PI4K2A: variants seen among roughly 807,000 people sequenced by gnomAD.
The protein encoded by PI4K2A is phosphatidylinositol 4-kinase type 2 alpha.
In PI4K2A, 20 loss-of-function variants were observed where a neutral mutation model predicts 55.0. The observed-to-expected ratio is 0.36, with a 90% CI of 0.26 to 0.53. The LOEUF (loss-of-function observed/expected upper bound fraction) is 0.53. Ranked by LOEUF, PI4K2A falls within the 20% of genes least tolerant of loss-of-function variation. The probability of loss-of-function intolerance (pLI) is 0.91; values close to 1 mark genes in which losing one functional copy is unlikely to be tolerated. For missense variants in PI4K2A, 463 were observed against 637.1 expected (o/e 0.73, Z 2.94); for synonymous variants, 235 against 258.5 (o/e 0.91, Z 0.87).
chr10:97,650,663 T>C (rs1171262745), intron 1 of PI4K2A, among the ~76,000 whole-genome samples: 1 of 152,146 alleles, frequency 6.6e-6, no homozygotes, highest in Non-Finnish European at 1.5e-5. Flanking sequence ...TAGGTACTTA[T>C]ATGAGGGAAA....
At chr10:97,651,761 C>T (rs1016025833) in intron 2 of PI4K2A, among the ~76,000 whole-genome samples, 3 of 151,902 alleles carry the variant, frequency 2.0e-5, no homozygotes, top group Non-Finnish European at 4.4e-5. Flanking sequence ...TTGAGGTCTC[C>T]CCCAACCCCC....
chr10:97,641,240 G>A, intron 1 of PI4K2A, 63 bp downstream of exon 1: 1 of 1,263,362 alleles, frequency 7.9e-7, no homozygotes, highest in South Asian at 1.3e-5. Context: ...TGGGGAGTTG[G>A]GGGCTTCGCA....
intron 1 of PI4K2A, among the ~76,000 whole-genome samples, chr10:97,644,860 G>A (rs2041496419): frequency 6.6e-6 from 1 of 152,122 alleles, no homozygotes; most frequent in Admixed American, 6.6e-5. Flanking sequence ...AACAGAGATT[G>A]GGAGAACCAG....
chr10:97,672,289 C>T (rs898046482), intron 8 of PI4K2A, among the ~76,000 whole-genome samples: 5 of 152,120 alleles, frequency 3.3e-5, no homozygotes, highest in Admixed American at 2.0e-4. Flanking sequence ...GATCTGCCCA[C>T]CTCGGCCTCC....
intron 2 of PI4K2A, among the ~76,000 whole-genome samples, chr10:97,651,390 A>G (rs1392586916): frequency 1.3e-5 from 2 of 152,210 alleles, no homozygotes; most frequent in Non-Finnish European, 2.9e-5. Context: ...CTTCTACTGC[A>G]TGTTTATGGC....
At chr10:97,657,049 G>T (rs1313069991) in intron 4 of PI4K2A, 75 bp downstream of exon 4, 28 of 1,478,462 alleles carry the variant, frequency 1.9e-5, no homozygotes, top group Non-Finnish European at 2.6e-5. Flanking sequence ...GGCTTGCAGG[G>T]CTTGGGAGTC....
At chr10:97,647,775 T>C (rs945478217) in intron 1 of PI4K2A, among the ~76,000 whole-genome samples, 4 of 147,112 alleles carry the variant, frequency 2.7e-5, no homozygotes, top group African/African-American at 9.7e-5. Context: ...CCCTGTACTA[T>C]TGCATAACCA....
intron 6 of PI4K2A, 56 bp downstream of exon 6, chr10:97,665,040 CTG>C (rs776546872): frequency 1.9e-6 from 2 of 1,060,268 alleles, no homozygotes; most frequent in Non-Finnish European, 2.9e-6. Flanking sequence ...TATTTTCTCA[CTG>C]TGCAGTGGAG....
At position 97,656,401 on chromosome 10, in the gene PI4K2A, C is replaced by T. The variant is rs569562738; in HGVS notation, c.753C>T (p.Ile251=). ...AAGTTGGACAGCGGTTTAACCGCAT[C>T]GGGCTACCACCAAAGGTATAGACGC... Residue 251 remains isoleucine (I), a synonymous_variant, in exon 3 of 9, where the codon ATC becomes ATT. Coordinates refer to ENST00000370631, the Ensembl canonical transcript of PI4K2A. This position sits in a 1 kb window ranked among gnomAD's most constrained non-coding sequence, Gnocchi z 4.5. The T allele has an allele frequency of 1.9e-5, 30 of 1,613,874 alleles. No individual in the cohort carries two copies. Among genetic ancestry groups the T allele is most frequent in the East Asian group, 1.1e-4 (5 of 44,892 alleles).
At chr10:97,671,512 A>G (rs10786362) in intron 8 of PI4K2A, among the ~76,000 whole-genome samples, 72,027 of 151,998 alleles carry the variant, frequency 0.47, 18,181 homozygotes, top group African/African-American at 0.66. Context: ...CTCTTTGTAC[A>G]ATCTGCAACT....
At chr10:97,654,216 GA>G (rs1414068207) in intron 2 of PI4K2A, among the ~76,000 whole-genome samples, 1 of 152,200 alleles carries the variant, frequency 6.6e-6, no homozygotes, top group Non-Finnish European at 1.5e-5. Context: ...TTGTTAGGAA[GA>G]ATGATAGAAA....
intron 2 of PI4K2A, among the ~76,000 whole-genome samples, chr10:97,654,831 C>G (rs2041544842): frequency 6.6e-6 from 1 of 151,666 alleles, no homozygotes; most frequent in South Asian, 2.1e-4. Flanking sequence ...ATATTGATGG[C>G]TCATAAAAAT....
intron 2 of PI4K2A, among the ~76,000 whole-genome samples, chr10:97,652,507 C>A (rs1467475449): frequency 6.6e-6 from 1 of 151,742 alleles, no homozygotes; most frequent in Non-Finnish European, 1.5e-5. Flanking sequence ...CCCTGTTTTG[C>A]CCAGGCTGGT....
At chr10:97,657,624 C>T (rs1014407272) in intron 4 of PI4K2A, among the ~76,000 whole-genome samples, 3 of 150,216 alleles carry the variant, frequency 2.0e-5, no homozygotes, top group African/African-American at 4.9e-5. Flanking sequence ...GTCAGAATTG[C>T]ACCACTGCAC....
At chr10:97,665,279 C>G (rs1564776523) in intron 6 of PI4K2A, among the ~76,000 whole-genome samples, 2 of 146,214 alleles carry the variant, frequency 1.4e-5, no homozygotes, top group Non-Finnish European at 1.5e-5. Context: ...TTTCTGAGGA[C>G]TTTTTTTTTT....
At chr10:97,652,058 A>G (rs1159415570) in intron 2 of PI4K2A, among the ~76,000 whole-genome samples, 1 of 152,094 alleles carries the variant, frequency 6.6e-6, no homozygotes, top group Non-Finnish European at 1.5e-5. Context: ...TAACTAGTCT[A>G]TGCTAGTTTA....
At position 97,642,849 on chromosome 10, in the gene PI4K2A, TC is replaced by T. The variant is rs1448733928; in HGVS notation, c.435+1674del. Among the ~76,000 whole-genome samples the T allele has an allele frequency of 8.9e-3, 159 of 17,904 alleles. 15 individuals are homozygous for T. The highest frequency in any genetic ancestry group is 0.034 in the African/African-American group (149 of 4,328). 11.7% of individuals were successfully genotyped at this position (17,904 alleles called of 152,430 possible). Reference sequence around the variant, plus strand: ...TTCCTTCCTTCCTTCCTTCCTTCCTTCCTTTCTTTCTTTCTTTTTCTTTCTT... The same window carrying T: ...TTCCTTCCTTCCTTCCTTCCTTCCTTCTTTCTTTCTTTCTTTTTCTTTCTT... On this transcript the variant is annotated intron_variant, in intron 1 of 8. Coordinates refer to ENST00000370631, the Ensembl canonical transcript of PI4K2A.
intron 2 of PI4K2A, among the ~76,000 whole-genome samples, chr10:97,652,986 C>G (rs963207690): frequency 6.6e-6 from 1 of 152,202 alleles, no homozygotes; most frequent in African/African-American, 2.4e-5. Flanking sequence ...CACTGCCTGG[C>G]TTTGTACAGC....
chr10:97,648,033 C>T (rs1272907208), intron 1 of PI4K2A, among the ~76,000 whole-genome samples: 1 of 151,256 alleles, frequency 6.6e-6, no homozygotes, highest in African/African-American at 2.4e-5. Flanking sequence ...CTCCTAGGCA[C>T]AAGGGATTCT....
Sources: gnomAD v4.1 joint callset for allele counts (sites outside exome capture counted in the v4.1 genomes callset) on GRCh38, gnomAD v4.1.1 for gene constraint, Gnocchi (gnomAD v3.1) non-coding constraint, MANE v1.5 for transcripts, NCBI Gene and HGNC (gene_info 2026-07-23, HGNC 2026-07-21) for gene names.